Variants in GALNT5 observed in about 807,000 individuals in gnomAD.
GALNT5 encodes UDP-GalNAc:polypeptide N-acetylgalactosaminyltransferase 5.
A neutral mutation model predicts 85.4 loss-of-function variants in GALNT5; 72 were observed. The observed-to-expected ratio is 0.84, with a 90% CI of 0.70 to 1.03. The LOEUF is 1.03. GALNT5 is among the 50% of genes least tolerant of loss of function. The pLI is 0.00. For missense variants in GALNT5, 1,137 were observed against 1,135.5 expected, an observed-to-expected ratio of 1.00 and a Z score of -0.02; for synonymous variants, 404 against 397.0, an observed-to-expected ratio of 1.02 and a Z score of -0.21.
At chr2:157,268,146 G>C (rs1682498700) in intron 1 of GALNT5, among the ~76,000 whole-genome samples, 1 of 152,158 alleles carries the variant, frequency 6.6e-6, no homozygotes, top group African/African-American at 2.4e-5. Flanking sequence ...TGAAGGCTGA[G>C]ACTTGACCCA....
Position 157,257,761 on chromosome 2 carries a change from A to G in GALNT5, c.-322A>G. On this transcript the variant is annotated 5_prime_UTR_variant, in exon 1 of 10. Transcript: ENST00000259056. Reference sequence around the variant, plus strand: ...GGAAGGTGGACATGGGCTCCCGGAGACAAGACAAGTGATATGTTGAACTGT... The same window carrying G: ...GGAAGGTGGACATGGGCTCCCGGAGGCAAGACAAGTGATATGTTGAACTGT... 1 of 257,486 alleles carries G rather than the reference A, an allele frequency of 3.9e-6. No homozygotes were observed. Among genetic ancestry groups the G allele is most frequent in the East Asian group, 1.0e-4 (1 of 10,030 alleles). The allele number at this position is 257,486 out of a possible 1,614,324, so 16.0% of individuals were successfully genotyped here. A position where few individuals can be genotyped will look rare whatever the true frequency, so the allele number is the denominator to read the frequency against.
intron 1 of GALNT5, among the ~76,000 whole-genome samples, chr2:157,281,368 T>C (rs1427590130): frequency 6.6e-6 from 1 of 152,212 alleles, no homozygotes. Flanking sequence ...GATTTCTTTG[T>C]AGCAACACAA....
chr2:157,278,328 T>C (rs4258759), intron 1 of GALNT5, among the ~76,000 whole-genome samples: 33,349 of 152,080 alleles, frequency 0.22, 3,858 homozygotes, highest in East Asian at 0.46. Context: ...TGGAGTATCT[T>C]TGTGGTGTTC....
At chr2:157,270,792 A>G (rs981124147) in intron 1 of GALNT5, among the ~76,000 whole-genome samples, 5 of 152,208 alleles carry the variant, frequency 3.3e-5, no homozygotes, top group Non-Finnish European at 7.3e-5. Context: ...CAGAAACACA[A>G]TAATAGAGAA....
At position 157,259,516 on chromosome 2, in the gene GALNT5, T is replaced by C. The variant is rs1366533885; in HGVS notation, c.1434T>C (p.Ile478=). 1 of 1,379,706 alleles carries C rather than the reference T, an allele frequency of 7.2e-7. No homozygotes were observed. Among genetic ancestry groups the C allele is most frequent in the South Asian group, 2.3e-5 (1 of 43,414 alleles). The allele number at this position is 1,379,706 out of a possible 1,614,324, so 85.5% of individuals were successfully genotyped here. A position where few individuals can be genotyped will look rare whatever the true frequency, so the allele number is the denominator to read the frequency against. ...LSDLIPVDRA[I]EDTRPAGCAE... ...ATTTGATCCCAGTGGATAGAGCCATTGAAGACACCAGACCTGCTGGGTAAG... is the reference window on the plus strand; with the variant it reads ...ATTTGATCCCAGTGGATAGAGCCATCGAAGACACCAGACCTGCTGGGTAAG... Residue 478 remains isoleucine (I), a synonymous_variant, in exon 1 of 10, where the codon ATT becomes ATC. Coordinates refer to ENST00000259056, the MANE Select transcript of GALNT5 (RefSeq NM_014568.3).
At chr2:157,286,634 G>A (rs779621355) in intron 3 of GALNT5, among the ~76,000 whole-genome samples, 9 of 152,148 alleles carry the variant, frequency 5.9e-5, no homozygotes, top group South Asian at 4.1e-4. Context: ...CTCCCAAGTA[G>A]CTGGGATTAC....
chr2:157,276,924 T>C (rs919076357), intron 1 of GALNT5, among the ~76,000 whole-genome samples: 4 of 152,228 alleles, frequency 2.6e-5, no homozygotes, highest in African/African-American at 9.7e-5. Flanking sequence ...AGGGTGTCAA[T>C]TTTAGATCTT....
At chr2:157,261,600 G>A (rs1218003501) in intron 1 of GALNT5, among the ~76,000 whole-genome samples, 1 of 152,110 alleles carries the variant, frequency 6.6e-6, no homozygotes, top group Non-Finnish European at 1.5e-5. Flanking sequence ...TCCACTCAGG[G>A]GTCTACCACC....
chr2:157,267,555 G>A (rs533077942), intron 1 of GALNT5, among the ~76,000 whole-genome samples: 2 of 152,250 alleles, frequency 1.3e-5, no homozygotes, highest in South Asian at 2.1e-4. Context: ...GTCATACACA[G>A]CAGGAAAGAC....
chr2:157,316,750 C>T lies in GALNT5; in HGVS notation c.*5402C>T, dbSNP rs764796604. ...CCAGGTGTTGGTGGTGTCTGTATCT[C>T]AAAGAAAGAAAAAAATAACATCACA... On this transcript the variant is annotated 3_prime_UTR_variant, in exon 10 of 10. Coordinates refer to ENST00000259056, the MANE Select transcript of GALNT5 (RefSeq NM_014568.3). Among the ~76,000 whole-genome samples, 4 of 151,886 alleles carry T rather than the reference C, an allele frequency of 2.6e-5. No individual in the cohort carries two copies. Among genetic ancestry groups the T allele is most frequent in the African/African-American group, 4.8e-5 (2 of 41,346 alleles).
intron 1 of GALNT5, among the ~76,000 whole-genome samples, chr2:157,283,704 T>C (rs1331731869): frequency 6.6e-6 from 1 of 152,102 alleles, no homozygotes; most frequent in Non-Finnish European, 1.5e-5. Context: ...GAACATTAAA[T>C]AAGTCAGAAT....
rs577487228 is a variant in GALNT5 at position 157,279,936 on chromosome 2, A to G, written c.1455-4346A>G. Among the ~76,000 whole-genome samples the G allele has an allele frequency of 2.0e-5, 3 of 152,184 alleles. No homozygotes were observed. The East Asian group carries it at 5.8e-4, about 29-fold the overall frequency. On this transcript the variant is annotated intron_variant, in intron 1 of 9. Transcript: ENST00000259056. The stretch of plus-strand genomic sequence containing the variant: ...GGAGCTGCAGATCGGAGCTGTTCCT[A>G]TTTGGCCATCTTGGAACAGACCTCA...
intron 9 of GALNT5, among the ~76,000 whole-genome samples, chr2:157,310,626 T>C (rs891586160): frequency 3.9e-5 from 6 of 152,210 alleles, no homozygotes; most frequent in African/African-American, 1.4e-4. Flanking sequence ...AAGGTCTATC[T>C]AATTTATCTA....
intron 7 of GALNT5, among the ~76,000 whole-genome samples, chr2:157,303,498 A>AT (rs377610624): frequency 4.0e-5 from 5 of 125,888 alleles, no homozygotes; most frequent in East Asian, 3.9e-4. Flanking sequence ...TACACTGCCT[A>AT]TTTTTTTTAA....
Position 157,258,642 on chromosome 2 carries a change from A to G in GALNT5, c.560A>G (p.His187Arg), listed in dbSNP as rs1357896375. ...KGTQVVKISV[H>R]MGRVSLKQEP... The stretch of plus-strand genomic sequence containing the variant: ...ACTCAGGTAGTCAAAATATCAGTAC[A>G]CATGGGACGTGTCAGTTTAAAACAG... Residue 187 changes from histidine to arginine, a missense_variant, in exon 1 of 10, where the codon CAC becomes CGC. Coordinates refer to ENST00000259056, the MANE Select transcript of GALNT5 (RefSeq NM_014568.3). 6.2e-7 allele frequency: 1 copy of G among 1,613,818 alleles called. No homozygotes were observed. Among genetic ancestry groups the G allele is most frequent in the Non-Finnish European group, 8.5e-7 (1 of 1,179,938 alleles).
At position 157,270,288 on chromosome 2, in the gene GALNT5, G is replaced by T. The variant is rs935019777; in HGVS notation, c.1454+10752G>T. Among the ~76,000 whole-genome samples, 4 of 152,106 alleles carry T rather than the reference G, an allele frequency of 2.6e-5. No homozygotes were observed. In the South Asian group the frequency reaches 8.3e-4, roughly 32 times the overall value. On this transcript the variant is annotated intron_variant, in intron 1 of 9. Transcript: ENST00000259056. ...ATCTCTTCTTACACGCAGGCTGGCAGGCACTGGTGGAGCAAATCATATATT... is the reference window on the plus strand; with the variant it reads ...ATCTCTTCTTACACGCAGGCTGGCATGCACTGGTGGAGCAAATCATATATT...
At chr2:157,306,021 A>G (rs534144145) in intron 8 of GALNT5, among the ~76,000 whole-genome samples, 192 bp downstream of exon 8, 50 of 152,302 alleles carry the variant, frequency 3.3e-4, no homozygotes, top group African/African-American at 1.2e-3. Context: ...CAGTCAACTC[A>G]CTGGGTCCAG....
Position 157,314,800 on chromosome 2 carries a change from C to G in GALNT5, c.*3452C>G, listed in dbSNP as rs996843804. On this transcript the variant is annotated 3_prime_UTR_variant, in exon 10 of 10. Transcript: ENST00000259056. Reference sequence around the variant, plus strand: ...GAATACAAGAAAAAAAATTTACCAACCAGGCGCAGTGGCTCACACCTGTAA... The same window carrying G: ...GAATACAAGAAAAAAAATTTACCAAGCAGGCGCAGTGGCTCACACCTGTAA... Among the ~76,000 whole-genome samples, 3 of 152,118 alleles carry G rather than the reference C, an allele frequency of 2.0e-5. No homozygotes were observed. The highest frequency in any genetic ancestry group is 7.2e-5 in the African/African-American group (3 of 41,430).
intron 3 of GALNT5, among the ~76,000 whole-genome samples, chr2:157,290,093 A>ATC (rs1683063986): frequency 2.2e-4 from 1 of 4,500 alleles, no homozygotes; most frequent in African/African-American, 3.4e-4. Context: ...AAATGTATAT[A>ATC]TATATATATA....
Sources: allele counts gnomAD v4.1 joint callset (sites outside exome capture counted in the v4.1 genomes callset), GRCh38; gene constraint gnomAD v4.1.1; transcripts MANE v1.5; gene names NCBI Gene and HGNC (gene_info 2026-07-23, HGNC 2026-07-21).